RANBP3: variants seen among roughly 807,000 people sequenced by gnomAD.
RANBP3 encodes the protein RAN binding protein 3, also known as ran-binding protein 3.
RANBP3 carries 14 observed loss-of-function variants against 77.3 expected under a neutral mutation model. The ratio of observed to expected loss-of-function variants is 0.18; its 90% CI spans 0.12 to 0.28. RANBP3 has a LOEUF of 0.28. Ranked by LOEUF, RANBP3 falls within the 10% of genes least tolerant of loss-of-function variation. The pLI is 1.00. For synonymous variants in RANBP3, 315 were observed against 312.4 expected, an observed-to-expected ratio of 1.01 and a Z score of -0.09; for missense variants, 586 against 752.3, an observed-to-expected ratio of 0.78 and a Z score of 2.59.
At chr19:5,971,966 A>G (rs1025570732) in intron 1 of RANBP3, among the ~76,000 whole-genome samples, 1 of 152,264 alleles carries the variant, frequency 6.6e-6, no homozygotes, top group African/African-American at 2.4e-5. Flanking sequence ...CTGTGCAAGA[A>G]TGCAGGCCAA....
intron 2 of RANBP3, among the ~76,000 whole-genome samples, 171 bp from the exon 3 acceptor site, chr19:5,951,767 C>T (rs1599769578): frequency 1.3e-5 from 2 of 152,266 alleles, no homozygotes; most frequent in African/African-American, 4.8e-5. Flanking sequence ...TCAACAAAAC[C>T]GGCTCTCCGG....
Position 5,933,414 on chromosome 19 carries a change from C to T in RANBP3, c.472G>A (p.Gly158Ser). 6.2e-7 allele frequency: 1 copy of T among 1,611,394 alleles called. No homozygotes were observed. The part of the protein sequence containing the change: ...TLIHGQAPSA[G>S]LPSQKPKEQQ... The stretch of plus-strand genomic sequence containing the variant: ...CGCCCCAGGGAGGTAGACGACCTAC[C>T]TGCGCTGGGGGCTTGGCCGTGGATC... The change falls in exon 6 of 17, where the codon GGT becomes AGT. Residue 158 changes from glycine to serine, a missense_variant and splice_region_variant. Physicochemically the swap from Gly to Ser is moderately conservative, Grantham distance 56. Around this residue, in one of 5 missense-constraint regions of RANBP3, gnomAD observed 232 missense variants for 271.7 expected, o/e 0.85. Coordinates refer to ENST00000340578, the MANE Select transcript of RANBP3 (RefSeq NM_007322.3).
chr19:5,923,144 C>T (rs761066244), intron 13 of RANBP3, 50 bp downstream of exon 13: 3 of 1,507,128 alleles, frequency 2.0e-6, no homozygotes, highest in South Asian at 1.1e-5. Flanking sequence ...CGGTTGGACC[C>T]CCAGGTGCAT....
At chr19:5,946,255 C>T (rs116956522) in intron 3 of RANBP3, among the ~76,000 whole-genome samples, 3,665 of 152,288 alleles carry the variant, frequency 0.024, 47 homozygotes, top group Middle Eastern at 0.065. Flanking sequence ...TTCATTCACG[C>T]GACACCCGGG....
At chr19:5,926,673 A>G (rs779995244) in intron 9 of RANBP3, among the ~76,000 whole-genome samples, 1 of 152,186 alleles carries the variant, frequency 6.6e-6, no homozygotes, top group Non-Finnish European at 1.5e-5. Flanking sequence ...ACCAAATTCA[A>G]AGCAGCTGTC....
chr19:5,917,564 T>C lies in RANBP3; in HGVS notation c.*46A>G, dbSNP rs1235221748. On this transcript the variant is annotated 3_prime_UTR_variant, in exon 17 of 17. Coordinates refer to ENST00000340578, the MANE Select transcript of RANBP3 (RefSeq NM_007322.3). ...GGGTGGGGGCGGGTGGGCGGGTGGA[T>C]AGACGGACAAAGCAGCAGCCTGGTG... 1.3e-5 allele frequency: 20 copies of C among 1,529,768 alleles called. No homozygotes were observed. Among genetic ancestry groups the C allele is most frequent in the Admixed American group, 5.9e-5 (3 of 50,598 alleles). 94.8% of individuals were successfully genotyped at this position (1,529,768 alleles called of 1,614,324 possible). A position where few individuals can be genotyped will look rare whatever the true frequency, so the allele number is the denominator to read the frequency against.
chr19:5,968,038 A>G (rs1444733499), intron 1 of RANBP3, among the ~76,000 whole-genome samples: 2 of 152,206 alleles, frequency 1.3e-5, no homozygotes, highest in Non-Finnish European at 2.9e-5. Flanking sequence ...AAAAGAAAGA[A>G]AAAAGAAAAA....
At position 5,931,522 on chromosome 19, in the gene RANBP3, C is replaced by A. The variant is rs2057991174; in HGVS notation, c.575G>T (p.Ser192Ile). 3 of 1,607,650 alleles carry A rather than the reference C, an allele frequency of 1.9e-6. No individual in the cohort carries two copies. Among genetic ancestry groups the A allele is most frequent in the Non-Finnish European group, 1.7e-6 (2 of 1,175,856 alleles). ...TGGGAGGCTGACCCCGTTGGTGCCA[C>A]TGCTGGGGACTGTGGGAGGGAAGGA... Reference protein sequence around the residue: ...PKALSQTVPSSGTNGVSLPAD... With the variant: ...PKALSQTVPSIGTNGVSLPAD... Residue 192 changes from serine to isoleucine, a missense_variant, in exon 8 of 17, where the codon AGT becomes ATT. By Grantham distance (142) the Ser-to-Ile change is moderately radical. Transcript: ENST00000340578.
chr19:5,945,379 G>T (rs1299684711), intron 3 of RANBP3, among the ~76,000 whole-genome samples: 2 of 152,148 alleles, frequency 1.3e-5, no homozygotes, highest in East Asian at 3.8e-4. Context: ...TTCCGTTTTT[G>T]ATTTCCAATT....
chr19:5,924,885 C>G lies in RANBP3; in HGVS notation c.938G>C (p.Ser313Thr), dbSNP rs947415420. The G allele has an allele frequency of 6.2e-7, 1 of 1,614,156 alleles. No individual in the cohort carries two copies. Among genetic ancestry groups the G allele is most frequent in the South Asian group, 1.1e-5 (1 of 91,086 alleles). Residue 313 changes from serine (S) to threonine (T), a missense_variant, in exon 11 of 17, where the codon AGT becomes ACT. Physicochemically the swap from Ser to Thr is moderately conservative, Grantham distance 58. Coordinates refer to ENST00000340578, the MANE Select transcript of RANBP3 (RefSeq NM_007322.3). This position sits in a 1 kb window ranked among gnomAD's most constrained non-coding sequence, Gnocchi z 4.7. ...AAATTTGTTGCTGGAGGCGTCGGCA[C>G]TATTGGTTGAGTTCTCTAAACTGAA... is the stretch of plus-strand genomic sequence containing the variant. Reference protein sequence around the residue: ...ISSSLENSTNSADASSNKFVF... With the variant: ...ISSSLENSTNTADASSNKFVF...
intron 3 of RANBP3, among the ~76,000 whole-genome samples, chr19:5,945,739 T>C (rs1479877121): frequency 6.6e-6 from 1 of 152,094 alleles, no homozygotes; most frequent in African/African-American, 2.4e-5. Flanking sequence ...CCCATGCCTC[T>C]CAGGGATCAT....
At chr19:5,966,314 A>T (rs2058467282) in intron 1 of RANBP3, among the ~76,000 whole-genome samples, 1 of 152,204 alleles carries the variant, frequency 6.6e-6, no homozygotes, top group South Asian at 2.1e-4. Context: ...GCCTCAGCCA[A>T]CACAGTGTGT....
chr19:5,930,413 A>C (rs983341904), intron 8 of RANBP3, among the ~76,000 whole-genome samples: 4 of 152,210 alleles, frequency 2.6e-5, no homozygotes, highest in Admixed American at 2.6e-4. Context: ...TCTGGCTTTT[A>C]CACAGAAGAT....
At chr19:5,922,752 C>T (rs1362293772) in intron 13 of RANBP3, among the ~76,000 whole-genome samples, 2 of 152,104 alleles carry the variant, frequency 1.3e-5, no homozygotes, top group Admixed American at 1.3e-4. Flanking sequence ...CCAGCCTGGC[C>T]AACATGGGGA....
chr19:5,943,060 T>C (rs541073007), intron 3 of RANBP3, among the ~76,000 whole-genome samples: 1 of 152,280 alleles, frequency 6.6e-6, no homozygotes, highest in African/African-American at 2.4e-5. Context: ...GAGGAGTGTT[T>C]ATCCTCTCCC....
rs757740882 is a variant in RANBP3 at position 5,978,130 on chromosome 19, G to A, written c.-48C>T. 3 of 1,589,178 alleles carry A rather than the reference G, an allele frequency of 1.9e-6. No individual in the cohort carries two copies. The highest frequency in any genetic ancestry group is 4.7e-5 in the East Asian group (2 of 42,184). The stretch of plus-strand genomic sequence containing the variant: ...CAAGGCCCCGCGCCGGCCCAGGCTC[G>A]CCTGCTTTCTGCCAGAAACTCCCGC... On this transcript the variant is annotated 5_prime_UTR_variant, in exon 1 of 17. Transcript: ENST00000340578.
intron 3 of RANBP3, chr19:5,950,506 G>A (rs555227779): frequency 6.6e-6 from 1 of 152,400 alleles, no homozygotes; most frequent in African/African-American, 2.4e-5. Context: ...CTTAAAAACC[G>A]GGGACTGTTG....
chr19:5,969,454 A>G lies in RANBP3; in HGVS notation c.22+8607T>C, dbSNP rs555326103. Among the ~76,000 whole-genome samples the G allele has an allele frequency of 6.8e-4, 104 of 152,394 alleles. 1 individual carries two copies. Among genetic ancestry groups the G allele is most frequent in the African/African-American group, 2.4e-3 (101 of 41,604 alleles). ...GAGTTTAATTTAGCAAAGGCATTTT[A>G]AACTTACTGCAAAAGGCAAGGCCTG... is the stretch of plus-strand genomic sequence containing the variant. On this transcript the variant is annotated intron_variant, in intron 1 of 16. Coordinates refer to ENST00000340578, the MANE Select transcript of RANBP3 (RefSeq NM_007322.3).
At chr19:5,956,848 G>A (rs978710834) in intron 2 of RANBP3, among the ~76,000 whole-genome samples, 1 of 152,236 alleles carries the variant, frequency 6.6e-6, no homozygotes, top group African/African-American at 2.4e-5. Context: ...GAAGCCACAG[G>A]AGAATGGAGT....
Sources: allele counts gnomAD v4.1 joint callset (sites outside exome capture counted in the v4.1 genomes callset), GRCh38; gene constraint gnomAD v4.1.1; regional missense constraint gnomAD v4.1.1; non-coding constraint Gnocchi (gnomAD v3.1); transcripts MANE v1.5; gene names NCBI Gene and HGNC (gene_info 2026-07-23, HGNC 2026-07-21).